Variants in CA7 observed in about 807,000 individuals in gnomAD.
The protein encoded by CA7 is carbonate dehydratase VII.
Under a neutral mutation model 31.4 loss-of-function variants are expected in CA7, and 13 were observed. The ratio of observed to expected loss-of-function variants is 0.41; its 90% CI spans 0.27 to 0.66. CA7 has a LOEUF of 0.66. CA7 is among the 30% of genes least tolerant of loss of function. The probability of loss-of-function intolerance (pLI) is 0.28; values close to 1 mark genes in which losing one functional copy is unlikely to be tolerated. For synonymous variants in CA7, 128 were observed against 133.2 expected (o/e 0.96, Z 0.27); for missense variants, 215 against 351.0 (o/e 0.61, Z 3.10).
At chr16:66,845,340 C>A in intron 1 of CA7, 1 of 566,042 alleles carries the variant, frequency 1.8e-6, no homozygotes, top group Non-Finnish European at 2.2e-6. Context: ...TCCCTATTTC[C>A]CTGGGGAGCC....
At chr16:66,850,255 C>T (rs536497133) in intron 2 of CA7, among the ~76,000 whole-genome samples, 107 of 151,994 alleles carry the variant, frequency 7.0e-4, no homozygotes, top group Non-Finnish European at 1.2e-3. Flanking sequence ...GCCTGGCCAA[C>T]ATAGAGAGAC....
At chr16:66,848,750 A>G (rs1960977834) in intron 2 of CA7, among the ~76,000 whole-genome samples, 1 of 152,176 alleles carries the variant, frequency 6.6e-6, no homozygotes, top group Non-Finnish European at 1.5e-5. Context: ...AAGGGGTCCA[A>G]GGTCAAGGGG....
chr16:66,847,314 A>C (rs1349620751), intron 2 of CA7, 87 bp downstream of exon 2: 1 of 1,203,614 alleles, frequency 8.3e-7, no homozygotes, highest in Non-Finnish European at 1.2e-6. Context: ...GAAGCATGCT[A>C]TGGTGGGTAA....
Position 66,847,579 on chromosome 16 carries a change from C to T in CA7, c.238+352C>T, listed in dbSNP as rs59409563. On this transcript the variant is annotated intron_variant, in intron 2 of 6. Coordinates refer to ENST00000338437, the MANE Select transcript of CA7 (RefSeq NM_005182.3). ...CTGCCCCATCACTGACCTGCCAAGC[C>T]CTCCTCGCTGTGTGATCTGGCCAAG... Among the ~76,000 whole-genome samples the T allele has an allele frequency of 4.9e-3, 749 of 152,312 alleles. 9 individuals are homozygous for T. The highest frequency in any genetic ancestry group is 0.017 in the African/African-American group (720 of 41,562).
Position 66,853,175 on chromosome 16 carries a change from A to G in CA7, c.673-201A>G, listed in dbSNP as rs1961103848. Among the ~76,000 whole-genome samples, 1 of 152,188 alleles carries G rather than the reference A, an allele frequency of 6.6e-6. No homozygotes were observed. The highest frequency in any genetic ancestry group is 2.4e-5 in the African/African-American group (1 of 41,458). ...TGGGCTTGGAACTAGAACTAGGTAA[A>G]GCAGAGCCCAGACCCTTTAGTGAGT... On this transcript the variant is annotated intron_variant, in intron 6 of 6. Transcript: ENST00000338437. This position sits in a 1 kb window ranked among gnomAD's most constrained non-coding sequence, Gnocchi z 4.5.
At chr16:66,848,541 C>T (rs1960973927) in intron 2 of CA7, among the ~76,000 whole-genome samples, 2 of 152,152 alleles carry the variant, frequency 1.3e-5, no homozygotes, top group African/African-American at 4.8e-5. Flanking sequence ...CTGGCTGGGG[C>T]TCCCTCCCCC....
intron 5 of CA7, 140 bp from the exon 6 acceptor site, chr16:66,852,572 G>GAAAGA (rs1437796919): frequency 1.9e-6 from 1 of 536,176 alleles, no homozygotes; most frequent in Non-Finnish European, 2.8e-6. Context: ...GAAAGAAAAA[G>GAAAGA]AAAGAAAAGA....
intron 1 of CA7, chr16:66,845,296 TA>T (rs1205576802): frequency 2.2e-6 from 2 of 889,278 alleles, no homozygotes; most frequent in African/African-American, 3.6e-5. Flanking sequence ...GGCCATTTCT[TA>T]CCAAGCAGGG....
chr16:66,850,707 G>A (rs200454567), intron 3 of CA7, 48 bp downstream of exon 3: 112 of 1,352,966 alleles, frequency 8.3e-5, no homozygotes, highest in Non-Finnish European at 1.1e-4. Context: ...GGGAAGGAAC[G>A]CAGGCCTGGG....
At position 66,850,523 on chromosome 16, in the gene CA7, C is replaced by T. The variant is rs1961019186; in HGVS notation, c.239-18C>T. On this transcript the variant is annotated intron_variant, in intron 2 of 6. Transcript: ENST00000338437. Reference sequence around the variant, plus strand: ...GTCCTCTCCTACTCATTGCCACTCGCCCCACTTCTACCCACAGTGGTGACT... The same window carrying T: ...GTCCTCTCCTACTCATTGCCACTCGTCCCACTTCTACCCACAGTGGTGACT... The T allele has an allele frequency of 7.0e-7, 1 of 1,435,960 alleles. No individual in the cohort carries two copies. Among genetic ancestry groups the T allele is most frequent in the African/African-American group, 1.4e-5 (1 of 71,470 alleles). The allele number at this position is 1,435,960 out of a possible 1,614,324, so 89.0% of individuals were successfully genotyped here.
In CA7 at chr16:66,851,555, G is replaced by A. The variant is rs771991681; in HGVS notation, c.450G>A (p.Leu150=). Residue 150 remains leucine, a synonymous_variant, in exon 4 of 7, where the codon TTG becomes TTA. Coordinates refer to ENST00000338437, the MANE Select transcript of CA7 (RefSeq NM_005182.3). The part of the protein sequence containing the change: ...PDGLAVVGVF[L]ETGDEHPSMN... ...GCCTGGCTGTGGTTGGTGTTTTTTT[G>A]GAGGTGAGTGGTGGTTTGCTGGGGC... The A allele has an allele frequency of 6.2e-7, 1 of 1,613,694 alleles. No homozygotes were observed. The highest frequency in any genetic ancestry group is 1.3e-5 in the African/African-American group (1 of 74,906).
chr16:66,844,782 C>A, intron 1 of CA7: 1 of 719,850 alleles, frequency 1.4e-6, no homozygotes, highest in Non-Finnish European at 2.0e-6. Flanking sequence ...CCGCCTCCTC[C>A]GCGAAGCCCC....
At chr16:66,847,267 C>T (rs1960949373) in intron 2 of CA7, 40 bp downstream of exon 2, 1 of 1,578,348 alleles carries the variant, frequency 6.3e-7, no homozygotes, top group Middle Eastern at 1.7e-4. Flanking sequence ...TGGCCCCTGG[C>T]CCCTTAGGGT....
chr16:66,853,910 C>T lies in CA7; in HGVS notation c.*412C>T. On this transcript the variant is annotated 3_prime_UTR_variant, in exon 7 of 7. Coordinates refer to ENST00000338437, the MANE Select transcript of CA7 (RefSeq NM_005182.3). This position sits in a 1 kb window ranked among gnomAD's most constrained non-coding sequence, Gnocchi z 4.5. ...AATTAGAGGTGGGCAGAGCTGCCCT[C>T]TCGGCATTACCTCTTCTGCAGGCTC... The T allele has an allele frequency of 5.7e-6, 1 of 174,356 alleles. No homozygotes were observed. The highest frequency in any genetic ancestry group is 2.4e-5 in the African/African-American group (1 of 42,484). The allele number at this position is 174,356 out of a possible 1,614,324, so 10.8% of individuals were successfully genotyped here.
rs775123258 is a variant in CA7, at chr16:66,853,518, G to A, written c.*20G>A. 9.3e-6 allele frequency: 15 copies of A among 1,612,904 alleles called. No homozygotes were observed. The highest frequency in any genetic ancestry group is 1.3e-5 in the Non-Finnish European group (15 of 1,179,800). On this transcript the variant is annotated 3_prime_UTR_variant, in exon 7 of 7. Coordinates refer to ENST00000338437, the MANE Select transcript of CA7 (RefSeq NM_005182.3). The surrounding 1 kb of genome is among the most constrained non-coding windows in gnomAD (Gnocchi z 4.5). ...GCCTGAGCTGCCCATCTGCCTAGCC[G>A]GCCACTAGGGCACCATCTTCTCAAG... is the stretch of plus-strand genomic sequence containing the variant.
chr16:66,849,530 GATA>G (rs1408945235), intron 2 of CA7, among the ~76,000 whole-genome samples: 2 of 152,164 alleles, frequency 1.3e-5, no homozygotes, highest in East Asian at 1.9e-4. Flanking sequence ...GTAGAATATG[GATA>G]ATAATAAGTT....
At chr16:66,847,262 C>T (rs1960949154) in intron 2 of CA7, 35 bp downstream of exon 2, 1 of 1,598,788 alleles carries the variant, frequency 6.3e-7, no homozygotes, top group Non-Finnish European at 8.6e-7. Context: ...GCACCTGGCC[C>T]CTGGCCCCTT....
At chr16:66,846,097 C>T (rs1034604337) in intron 1 of CA7, among the ~76,000 whole-genome samples, 4 of 152,086 alleles carry the variant, frequency 2.6e-5, no homozygotes, top group Non-Finnish European at 4.4e-5. Context: ...GGATGTTCCC[C>T]AGGGAGATGC....
intron 2 of CA7, among the ~76,000 whole-genome samples, chr16:66,848,672 G>A (rs1202977961): frequency 6.6e-6 from 1 of 152,240 alleles, no homozygotes; most frequent in East Asian, 1.9e-4. Flanking sequence ...TGCCAGCAGA[G>A]TGCCAAACAC....
Sources: gnomAD v4.1 joint callset for allele counts (sites outside exome capture counted in the v4.1 genomes callset) on GRCh38, gnomAD v4.1.1 for gene constraint, Gnocchi (gnomAD v3.1) non-coding constraint, MANE v1.5 for transcripts, NCBI Gene and HGNC (gene_info 2026-07-23, HGNC 2026-07-21) for gene names.